SEMA6D: variants seen among roughly 807,000 people sequenced by gnomAD.
SEMA6D encodes the protein semaphorin 6D.
SEMA6D carries 35 observed loss-of-function variants against 106.6 expected under a neutral mutation model. The ratio of observed to expected loss-of-function variants is 0.33; its 90% CI spans 0.25 to 0.44. The LOEUF (loss-of-function observed/expected upper bound fraction) is 0.44. Among genes scored for constraint, SEMA6D ranks in the 20% least tolerant of loss-of-function variants. SEMA6D has a pLI of 1.00. For missense variants in SEMA6D, 1,185 were observed against 1,345.9 expected (o/e 0.88, Z 1.87); for synonymous variants, 499 against 487.7 (o/e 1.02, Z -0.31).
intron 1 of SEMA6D, among the ~76,000 whole-genome samples, chr15:47,296,270 G>C (rs1173104640): frequency 6.6e-6 from 1 of 152,216 alleles, no homozygotes; most frequent in Non-Finnish European, 1.5e-5. Context: ...GATGAATGGA[G>C]AATGGTGAAT....
At chr15:47,294,176 G>A (rs1166048657) in intron 1 of SEMA6D, among the ~76,000 whole-genome samples, 2 of 151,944 alleles carry the variant, frequency 1.3e-5, no homozygotes, top group East Asian at 3.9e-4. Context: ...CAAAAAAAAA[G>A]ACTGTGGGAA....
chr15:47,560,266 C>T (rs976262897), intron 3 of SEMA6D, among the ~76,000 whole-genome samples: 4 of 151,782 alleles, frequency 2.6e-5, no homozygotes, highest in African/African-American at 9.7e-5. Context: ...TTCAAAGCAG[C>T]TTTTATTAAT....
intron 3 of SEMA6D, among the ~76,000 whole-genome samples, chr15:47,507,954 A>G (rs2044103153): frequency 6.6e-6 from 1 of 152,242 alleles, no homozygotes; most frequent in Non-Finnish European, 1.5e-5. Flanking sequence ...CTGTACCTGC[A>G]ATTAGGCCAA....
At position 47,247,627 on chromosome 15, in the gene SEMA6D, TCTATC is replaced by T. The variant is rs2033278449; in HGVS notation, c.-239+63210_-239+63214del. Among the ~76,000 whole-genome samples the T allele has an allele frequency of 6.6e-5, 10 of 152,318 alleles. No individual in the cohort carries two copies. The South Asian group carries it at 2.1e-3, about 32-fold the overall frequency. On this transcript the variant is annotated intron_variant, in intron 1 of 19. Coordinates refer to the SEMA6D transcript ENST00000558014. Reference sequence around the variant, plus strand: ...ATACTCCTATTTGTTTTCTTATCTATCTATCTGTCTTCTATAAATCCATGAATACT... The same window carrying T: ...ATACTCCTATTTGTTTTCTTATCTATTGTCTTCTATAAATCCATGAATACT...
At chr15:47,207,714 A>G (rs1208516840) in intron 1 of SEMA6D, among the ~76,000 whole-genome samples, 1 of 152,006 alleles carries the variant, frequency 6.6e-6, no homozygotes, top group African/African-American at 2.4e-5. Flanking sequence ...CATATTTTTC[A>G]TGAAAAAGGC....
intron 3 of SEMA6D, among the ~76,000 whole-genome samples, chr15:47,579,965 G>A (rs12905914): frequency 0.25 from 37,566 of 152,052 alleles, 5,306 homozygotes; most frequent in East Asian, 0.46. Context: ...AAAGGAAAGA[G>A]CATTCCTGAG....
chr15:47,516,986 G>A (rs1054863666), intron 3 of SEMA6D, among the ~76,000 whole-genome samples: 1 of 152,178 alleles, frequency 6.6e-6, no homozygotes, highest in Non-Finnish European at 1.5e-5. Context: ...CAATTTCCTT[G>A]AGTGCAGAGA....
chr15:47,459,910 A>C (rs1567094694), intron 2 of SEMA6D, among the ~76,000 whole-genome samples: 1 of 152,090 alleles, frequency 6.6e-6, no homozygotes, highest in Admixed American at 6.6e-5. Flanking sequence ...TAAATAACAC[A>C]TGAATTTATT....
chr15:47,609,683 C>T (rs931067771), intron 4 of SEMA6D, among the ~76,000 whole-genome samples: 3 of 152,108 alleles, frequency 2.0e-5, no homozygotes, highest in African/African-American at 7.2e-5. Context: ...AATCTTTATC[C>T]CCGTAACCCA....
At chr15:47,576,145 A>G (rs911980127) in intron 3 of SEMA6D, among the ~76,000 whole-genome samples, 6 of 152,236 alleles carry the variant, frequency 3.9e-5, no homozygotes, top group African/African-American at 1.4e-4. Context: ...CCTGCACTTA[A>G]TTTTAACTGA....
At chr15:47,495,607 G>T (rs577016795) in intron 3 of SEMA6D, among the ~76,000 whole-genome samples, 1 of 151,886 alleles carries the variant, frequency 6.6e-6, no homozygotes, top group African/African-American at 2.4e-5. Context: ...CTTCTAGTCC[G>T]AATGTGTGTT....
intron 1 of SEMA6D, among the ~76,000 whole-genome samples, chr15:47,193,439 A>G (rs1484454178): frequency 6.6e-6 from 1 of 152,156 alleles, no homozygotes; most frequent in Non-Finnish European, 1.5e-5. Context: ...CCAAATCACC[A>G]CAAAAAGATC....
At chr15:47,566,924 T>TATATTTATATTAAGAATAAA (rs2046246988) in intron 3 of SEMA6D, among the ~76,000 whole-genome samples, 3 of 152,170 alleles carry the variant, frequency 2.0e-5, no homozygotes, top group Non-Finnish European at 4.4e-5. Context: ...AAGAGGGTGT[T>TATATTTATATTAAGAATAAA]ACAGAGAAAA....
intron 1 of SEMA6D, among the ~76,000 whole-genome samples, chr15:47,205,728 TAAG>T (rs1454136018): frequency 6.6e-6 from 1 of 152,030 alleles, no homozygotes. Flanking sequence ...TAGACCATAA[TAAG>T]CTAAAAATTA....
intron 1 of SEMA6D, among the ~76,000 whole-genome samples, chr15:47,392,376 G>T (rs2040065476): frequency 6.6e-6 from 1 of 152,190 alleles, no homozygotes; most frequent in South Asian, 2.1e-4. Context: ...TCCTGAGGTA[G>T]GGAGATGATC....
At chr15:47,539,124 C>A (rs976813939) in intron 3 of SEMA6D, among the ~76,000 whole-genome samples, 1 of 152,172 alleles carries the variant, frequency 6.6e-6, no homozygotes, top group Non-Finnish European at 1.5e-5. Context: ...TTCTGCTTTG[C>A]TGAATTTTAT....
chr15:47,286,474 A>G (rs1028857291), intron 1 of SEMA6D, among the ~76,000 whole-genome samples: 5 of 152,184 alleles, frequency 3.3e-5, no homozygotes, highest in Non-Finnish European at 4.4e-5. Flanking sequence ...TATTATTGTG[A>G]AAAGTAGCTA....
chr15:47,427,969 G>A (rs559550619), intron 2 of SEMA6D, among the ~76,000 whole-genome samples: 4 of 152,088 alleles, frequency 2.6e-5, no homozygotes, highest in East Asian at 1.9e-4. Context: ...TGGGGTATAC[G>A]AAACAAGATA....
At chr15:47,522,980 T>C (rs2044637871) in intron 3 of SEMA6D, among the ~76,000 whole-genome samples, 2 of 152,300 alleles carry the variant, frequency 1.3e-5, no homozygotes, top group South Asian at 4.1e-4. Flanking sequence ...CACAAAGCTA[T>C]AGAATATTGT....
Sources: allele counts gnomAD v4.1 joint callset (sites outside exome capture counted in the v4.1 genomes callset), GRCh38; gene constraint gnomAD v4.1.1; transcripts MANE v1.5; gene names NCBI Gene and HGNC (gene_info 2026-07-23, HGNC 2026-07-21).